Variants in PCNX2 observed in about 807,000 individuals in gnomAD.
The protein encoded by PCNX2 is pecanex 2.
A neutral mutation model predicts 223.8 loss-of-function variants in PCNX2; 168 were observed. The observed-to-expected ratio is 0.75, with a 90% CI of 0.66 to 0.85. PCNX2 has a LOEUF of 0.85. PCNX2 is among the 40% of genes least tolerant of loss of function. PCNX2 has a pLI of 0.00. For synonymous variants in PCNX2, 1,006 were observed against 1,052.6 expected, an observed-to-expected ratio of 0.96 and a Z score of 0.86; for missense variants, 2,507 against 2,675.5, an observed-to-expected ratio of 0.94 and a Z score of 1.39.
rs1670057375 is a variant in PCNX2, at chr1:233,000,845, A to G, written c.5098-310T>C. ...TCTGCACAATACCCATCTTTCTTCT[A>G]GTGGAATATCACCACCTCCTAGCCT... On this transcript the variant is annotated intron_variant, in intron 29 of 33. Coordinates refer to ENST00000258229, the MANE Select transcript of PCNX2 (RefSeq NM_014801.4). The surrounding 1 kb of genome is among the most constrained non-coding windows in gnomAD (Gnocchi z 4.6). 1.3e-5 allele frequency among the ~76,000 whole-genome samples: 2 copies of G among 152,162 alleles called. No homozygotes were observed. The highest frequency in any genetic ancestry group is 4.8e-5 in the African/African-American group (2 of 41,444).
intron 19 of PCNX2, among the ~76,000 whole-genome samples, chr1:233,150,061 A>T (rs2102798759): frequency 6.6e-6 from 1 of 152,122 alleles, no homozygotes; most frequent in East Asian, 1.9e-4. Context: ...GGGATGAATG[A>T]CCATCTCTCC....
chr1:233,198,059 T>C (rs1680838750), intron 15 of PCNX2, among the ~76,000 whole-genome samples: 1 of 152,002 alleles, frequency 6.6e-6, no homozygotes, highest in African/African-American at 2.4e-5. Context: ...TCTACAGCTC[T>C]ACAACACTGA....
intron 21 of PCNX2, among the ~76,000 whole-genome samples, chr1:233,119,574 G>C (rs1163938367): frequency 7.1e-6 from 1 of 140,542 alleles, no homozygotes; most frequent in Non-Finnish European, 1.5e-5. Context: ...GACAGAACGA[G>C]ACCTTGTCTC....
At chr1:233,325,598 C>A in the PCNX2 span, among the ~76,000 whole-genome samples, 1 of 151,784 alleles carries the variant, frequency 6.6e-6, no homozygotes, top group Non-Finnish European at 1.5e-5. Flanking sequence ...ATGCCGCGAA[C>A]CCAGGAGGCG....
At chr1:233,081,888 GCTTTC>G (rs1330135148) in intron 23 of PCNX2, among the ~76,000 whole-genome samples, 3 of 152,164 alleles carry the variant, frequency 2.0e-5, no homozygotes, top group Non-Finnish European at 4.4e-5. Flanking sequence ...AGCTGCAGCT[GCTTTC>G]CTTTCCAGAC....
rs1422259873 is a variant in PCNX2, at chr1:232,990,611, T to C, written c.5792-4071A>G. On this transcript the variant is annotated intron_variant, in intron 32 of 33. Coordinates refer to ENST00000258229, the MANE Select transcript of PCNX2 (RefSeq NM_014801.4). This position sits in a 1 kb window ranked among gnomAD's most constrained non-coding sequence, Gnocchi z 4.3. ...GCCAGGAGGGGTAACCATCCACTCATTCGTCCAACCTTTGTCTGCTGAGCC... is the reference window on the plus strand; with the variant it reads ...GCCAGGAGGGGTAACCATCCACTCACTCGTCCAACCTTTGTCTGCTGAGCC... Among the ~76,000 whole-genome samples, 2 of 152,148 alleles carry C rather than the reference T, an allele frequency of 1.3e-5. No homozygotes were observed. Among genetic ancestry groups the C allele is most frequent in the Non-Finnish European group, 2.9e-5 (2 of 68,018 alleles).
At chr1:233,321,251 G>A in the PCNX2 span, among the ~76,000 whole-genome samples, 1 of 151,936 alleles carries the variant, frequency 6.6e-6, no homozygotes, top group African/African-American at 2.4e-5. Flanking sequence ...CATTAAAAAA[G>A]CAGGTGAGAT....
chr1:233,295,567 G>T lies in PCNX2; in HGVS notation c.-89C>A. 1 of 1,261,872 alleles carries T rather than the reference G, an allele frequency of 7.9e-7. No homozygotes were observed. Among genetic ancestry groups the T allele is most frequent in the Non-Finnish European group, 1.0e-6 (1 of 997,362 alleles). 78.2% of individuals were successfully genotyped at this position (1,261,872 alleles called of 1,614,324 possible). Reference sequence around the variant, plus strand: ...AGGCTCCCTCAGGTCTAACACCCGGGCCCGCGGGCCGCGCCCCCGCCGTCG... The same window carrying T: ...AGGCTCCCTCAGGTCTAACACCCGGTCCCGCGGGCCGCGCCCCCGCCGTCG... On this transcript the variant is annotated 5_prime_UTR_variant, in exon 1 of 34. Coordinates refer to ENST00000258229, the MANE Select transcript of PCNX2 (RefSeq NM_014801.4). This position sits in a 1 kb window ranked among gnomAD's most constrained non-coding sequence, Gnocchi z 4.1.
intron 21 of PCNX2, among the ~76,000 whole-genome samples, chr1:233,104,469 A>C (rs1262533917): frequency 1.3e-5 from 2 of 152,154 alleles, no homozygotes; most frequent in East Asian, 3.8e-4. Context: ...CAGGAAGATA[A>C]AATAATTGAA....
intron 23 of PCNX2, among the ~76,000 whole-genome samples, chr1:233,074,196 C>T (rs562989398): frequency 4.9e-4 from 74 of 151,964 alleles, no homozygotes; most frequent in Non-Finnish European, 1.0e-3. Context: ...AAAAACTTAT[C>T]GAGGATTGTT....
chr1:233,310,915 C>T, the PCNX2 span, among the ~76,000 whole-genome samples: 1 of 152,068 alleles, frequency 6.6e-6, no homozygotes, highest in African/African-American at 2.4e-5. Context: ...TCTCTCATTA[C>T]CACAAGGAGT....
chr1:232,987,855 T>A (rs563740679), intron 32 of PCNX2, among the ~76,000 whole-genome samples: 10 of 152,188 alleles, frequency 6.6e-5, no homozygotes, highest in Non-Finnish European at 1.2e-4. Flanking sequence ...GAGTGCCCAT[T>A]TGCAGAGGGC....
chr1:233,218,150 A>G lies in PCNX2; in HGVS notation c.2539T>C (p.Leu847=). ...EDIKENVLAI[L]LIVLVSLLGF... is the part of the protein sequence containing the mutation. ...AGGAGGGAAACCAGGACAATGAGTA[A>G]AATCGCCAGTACATTCTCCTTGATG... is the stretch of plus-strand genomic sequence containing the variant. The change falls in exon 11 of 34, where the codon TTA becomes CTA. Residue 847 remains leucine (L), a synonymous_variant. Coordinates refer to ENST00000258229, the MANE Select transcript of PCNX2 (RefSeq NM_014801.4). 2 of 1,551,190 alleles carry G rather than the reference A, an allele frequency of 1.3e-6. No individual in the cohort carries two copies. Among genetic ancestry groups the G allele is most frequent in the Non-Finnish European group, 1.7e-6 (2 of 1,146,964 alleles).
intron 9 of PCNX2, among the ~76,000 whole-genome samples, chr1:233,236,216 AATCTGC>A (rs1338546616): frequency 1.1e-4 from 16 of 151,896 alleles, no homozygotes; most frequent in African/African-American, 3.6e-4. Context: ...CCCAAAATTG[AATCTGC>A]AGCTCTAACT....
intron 32 of PCNX2, among the ~76,000 whole-genome samples, chr1:232,989,057 G>A (rs1669598963): frequency 1.3e-5 from 2 of 152,236 alleles, no homozygotes; most frequent in African/African-American, 4.8e-5. Flanking sequence ...AAGGACCAAC[G>A]AAGGGTGGGG....
chr1:233,323,843 T>A, the PCNX2 span, among the ~76,000 whole-genome samples: 1 of 152,166 alleles, frequency 6.6e-6, no homozygotes, highest in African/African-American at 2.4e-5. Flanking sequence ...GTCATACCTA[T>A]CTCACTTTAA....
chr1:232,995,587 G>C (rs1167442843), intron 32 of PCNX2, among the ~76,000 whole-genome samples: 1 of 151,998 alleles, frequency 6.6e-6, no homozygotes, highest in Non-Finnish European at 1.5e-5. Context: ...GGTGAAGGGG[G>C]GAAACCCATG....
At chr1:233,091,021 T>C (rs546522874) in intron 22 of PCNX2, among the ~76,000 whole-genome samples, 1 of 152,312 alleles carries the variant, frequency 6.6e-6, no homozygotes, top group Admixed American at 6.5e-5. Context: ...TGAAGACTCC[T>C]AGCTGCCAAT....
At chr1:233,273,913 G>A (rs1281658700) in intron 1 of PCNX2, among the ~76,000 whole-genome samples, 1 of 152,104 alleles carries the variant, frequency 6.6e-6, no homozygotes, top group Non-Finnish European at 1.5e-5. Flanking sequence ...GTGAGTCATC[G>A]TGCCTGACCT....
Sources: gnomAD v4.1 joint callset for allele counts (sites outside exome capture counted in the v4.1 genomes callset) on GRCh38, gnomAD v4.1.1 for gene constraint, Gnocchi (gnomAD v3.1) non-coding constraint, MANE v1.5 for transcripts, NCBI Gene and HGNC (gene_info 2026-07-23, HGNC 2026-07-21) for gene names.